DENND1B: variants seen among roughly 807,000 people sequenced by gnomAD.
DENND1B encodes the protein DENN domain containing 1B, also known as DENN domain-containing protein 1B.
In DENND1B, 59 loss-of-function variants were observed where a neutral mutation model predicts 90.1. That is an observed-to-expected ratio of 0.65 (90% confidence interval 0.53 to 0.81). The LOEUF (loss-of-function observed/expected upper bound fraction) is 0.81, where lower values mean the gene tolerates loss of function less well. Among genes scored for constraint, DENND1B ranks in the 40% least tolerant of loss-of-function variants. DENND1B has a pLI of 0.00. For missense variants in DENND1B, 862 were observed against 912.6 expected (o/e 0.94, Z 0.71); for synonymous variants, 337 against 324.6 (o/e 1.04, Z -0.41).
At chr1:197,563,924 G>A (rs762244179) in intron 15 of DENND1B, among the ~76,000 whole-genome samples, 7 of 151,992 alleles carry the variant, frequency 4.6e-5, no homozygotes, top group African/African-American at 9.6e-5. Context: ...AGACTTCTTC[G>A]AGGAAGTAAC....
At chr1:197,606,815 A>C (rs1676724414) in intron 13 of DENND1B, 1 of 331,526 alleles carries the variant, frequency 3.0e-6, no homozygotes, top group African/African-American at 2.2e-5. Flanking sequence ...TTAGGTTTAA[A>C]GAAACTCTGC....
chr1:197,738,074 T>C (rs549982106), intron 2 of DENND1B, among the ~76,000 whole-genome samples: 33 of 152,330 alleles, frequency 2.2e-4, no homozygotes, highest in African/African-American at 7.7e-4. Context: ...TTCAACTGTA[T>C]TTACACAGAT....
chr1:197,759,535 A>T (rs1654744980), intron 2 of DENND1B, among the ~76,000 whole-genome samples: 2 of 151,514 alleles, frequency 1.3e-5, no homozygotes, highest in Non-Finnish European at 2.9e-5. Context: ...GGTGGTGCAA[A>T]GAACCAGCAG....
chr1:197,671,308 C>T (rs1655479459), intron 5 of DENND1B, among the ~76,000 whole-genome samples: 1 of 152,142 alleles, frequency 6.6e-6, no homozygotes, highest in Non-Finnish European at 1.5e-5. Context: ...AGAACCCTTT[C>T]TTCCTAACAG....
At chr1:197,569,603 C>G (rs945561213) in intron 15 of DENND1B, among the ~76,000 whole-genome samples, 43 of 150,232 alleles carry the variant, frequency 2.9e-4, no homozygotes, top group African/African-American at 1.0e-3. Context: ...CACAATGGAA[C>G]ACTATTAACC....
intron 15 of DENND1B, among the ~76,000 whole-genome samples, chr1:197,575,930 G>A (rs1673638645): frequency 6.6e-6 from 1 of 152,088 alleles, no homozygotes; most frequent in Non-Finnish European, 1.5e-5. Flanking sequence ...AGGGCCTGTT[G>A]GCAGGTAGGG....
intron 3 of DENND1B, chr1:197,690,730 T>TA (rs1471088268): frequency 6.5e-6 from 1 of 152,884 alleles, no homozygotes; most frequent in African/African-American, 2.4e-5. Flanking sequence ...AGTTTAATAG[T>TA]AAAAAACTGA....
intron 10 of DENND1B, among the ~76,000 whole-genome samples, chr1:197,632,762 A>G (rs1679442822): frequency 6.6e-6 from 1 of 152,306 alleles, no homozygotes; most frequent in Non-Finnish European, 1.5e-5. Flanking sequence ...CTTCTACTTT[A>G]ATTTTAAGAT....
intron 10 of DENND1B, among the ~76,000 whole-genome samples, chr1:197,626,408 G>A (rs1572110079): frequency 1.3e-5 from 2 of 152,086 alleles, no homozygotes; most frequent in Non-Finnish European, 2.9e-5. Context: ...TGAACAACCT[G>A]CTCCTGAATG....
At chr1:197,535,803 C>G (rs1430400882) in intron 20 of DENND1B, among the ~76,000 whole-genome samples, 1 of 152,150 alleles carries the variant, frequency 6.6e-6, no homozygotes, top group Non-Finnish European at 1.5e-5. Context: ...GAATTAATGC[C>G]TGGTCCAAGT....
intron 3 of DENND1B, among the ~76,000 whole-genome samples, chr1:197,694,447 G>A (rs1658227264): frequency 6.6e-6 from 1 of 151,292 alleles, no homozygotes; most frequent in South Asian, 2.1e-4. Flanking sequence ...AGATAAATTT[G>A]AAATGCAAAA....
At chr1:197,769,609 C>T (rs917679962) in intron 2 of DENND1B, among the ~76,000 whole-genome samples, 4 of 152,166 alleles carry the variant, frequency 2.6e-5, no homozygotes, top group Non-Finnish European at 5.9e-5. Flanking sequence ...TGTTTGACGA[C>T]TTCTTGTATG....
chr1:197,624,910 G>A (rs1370913850), intron 10 of DENND1B, among the ~76,000 whole-genome samples: 1 of 151,546 alleles, frequency 6.6e-6, no homozygotes. Flanking sequence ...TGGAAGAAAG[G>A]GTATCAGTGA....
intron 20 of DENND1B, among the ~76,000 whole-genome samples, chr1:197,519,735 G>A (rs1052922320): frequency 1.3e-5 from 2 of 151,902 alleles, no homozygotes; most frequent in Non-Finnish European, 2.9e-5. Flanking sequence ...AGGTTAGTTA[G>A]ATGATGGAAG....
intron 3 of DENND1B, among the ~76,000 whole-genome samples, chr1:197,678,913 T>G (rs1656365541): frequency 6.6e-6 from 1 of 152,144 alleles, no homozygotes. Flanking sequence ...ATGCCCAGTG[T>G]GGAATTTTTC....
At chr1:197,591,833 G>A (rs772692612) in intron 14 of DENND1B, among the ~76,000 whole-genome samples, 3 of 151,984 alleles carry the variant, frequency 2.0e-5, no homozygotes, top group Non-Finnish European at 4.4e-5. Context: ...TATCACGGCC[G>A]GGCGCGGTAG....
At chr1:197,714,967 G>A (rs906852697) in intron 3 of DENND1B, 64 bp downstream of exon 3, 5 of 1,201,054 alleles carry the variant, frequency 4.2e-6, no homozygotes, top group Non-Finnish European at 6.1e-6. Flanking sequence ...AACAGCAGCA[G>A]TAATAGTAGC....
chr1:197,668,906 A>G (rs903424986), intron 5 of DENND1B, among the ~76,000 whole-genome samples: 1 of 151,998 alleles, frequency 6.6e-6, no homozygotes, highest in Non-Finnish European at 1.5e-5. Flanking sequence ...GTTTTCCCTC[A>G]TGCTTATTTA....
chr1:197,760,661 T>C (rs953021070), intron 2 of DENND1B, among the ~76,000 whole-genome samples: 1 of 146,400 alleles, frequency 6.8e-6, no homozygotes, highest in African/African-American at 2.6e-5. Flanking sequence ...AAAAAAAAAA[T>C]TACCCACAGA....
Sources: gnomAD v4.1 joint callset for allele counts (sites outside exome capture counted in the v4.1 genomes callset) on GRCh38, gnomAD v4.1.1 for gene constraint, MANE v1.5 for transcripts, NCBI Gene and HGNC (gene_info 2026-07-23, HGNC 2026-07-21) for gene names.